Variants in CASK observed in about 807,000 individuals in gnomAD.
CASK encodes the protein calcium/calmodulin dependent serine protein kinase.
A neutral mutation model predicts 82.9 loss-of-function variants in CASK; 4 were observed. The observed-to-expected ratio is 0.05, with a 90% CI of 0.02 to 0.11. CASK has a LOEUF of 0.11. CASK is among the 10% of genes least tolerant of loss of function. CASK has a pLI of 1.00. For synonymous variants in CASK, 259 were observed against 253.5 expected (o/e 1.02, Z -0.20); for missense variants, 358 against 720.9 (o/e 0.50, Z 5.76).
At chrX:41,625,296 C>T (rs2066349695) in intron 10 of CASK, among the ~76,000 whole-genome samples, 1 of 107,017 alleles carries the variant, frequency 9.3e-6, no homozygotes, top group African/African-American at 3.4e-5. Context: ...CGCCAGTCTC[C>T]TGCCTCAGCC....
chrX:41,762,523 C>T (rs1053841991), intron 3 of CASK, among the ~76,000 whole-genome samples: 8 of 111,778 alleles, frequency 7.2e-5, no homozygotes, highest in African/African-American at 2.3e-4. Flanking sequence ...TTTTCTTCTC[C>T]AAACCTTACA....
chrX:41,557,220 G>A (rs2065170063), intron 18 of CASK, 120 bp from the exon 19 acceptor site: 2 of 605,276 alleles, frequency 3.3e-6, no homozygotes, highest in African/African-American at 2.2e-5. Context: ...AGCTGTATAG[G>A]TGCCATACTG....
chrX:41,675,978 T>C, intron 5 of CASK: 1 of 1,208,290 alleles, frequency 8.3e-7, no homozygotes, highest in Non-Finnish European at 1.1e-6. Flanking sequence ...ACAGAGAAGT[T>C]AAGGGCCAGA....
At chrX:41,819,211 G>T in intron 2 of CASK, among the ~76,000 whole-genome samples, 2 of 111,100 alleles carry the variant, frequency 1.8e-5, no homozygotes. Context: ...GATTCCATTG[G>T]AAAGATTTTA....
chrX:41,715,878 G>T (rs749940853), intron 5 of CASK, among the ~76,000 whole-genome samples: 2 of 112,405 alleles, frequency 1.8e-5, no homozygotes, highest in Admixed American at 9.4e-5. Context: ...TTTCCCTGGT[G>T]GGAAAGCCCT....
At chrX:41,868,380 T>C (rs1395771853) in intron 1 of CASK, among the ~76,000 whole-genome samples, 2 of 111,776 alleles carry the variant, frequency 1.8e-5, no homozygotes, top group Non-Finnish European at 3.8e-5. Flanking sequence ...ATTGAACTTT[T>C]TAAAGAAAAA....
chrX:41,809,051 C>T (rs1050716550), intron 2 of CASK, among the ~76,000 whole-genome samples: 10 of 112,322 alleles, frequency 8.9e-5, no homozygotes, highest in Admixed American at 4.7e-4. Context: ...GAGGGGTGCC[C>T]GCCATTGCTG....
chrX:41,700,111 C>A (rs2067764887), intron 5 of CASK, among the ~76,000 whole-genome samples: 1 of 111,861 alleles, frequency 8.9e-6, no homozygotes, highest in African/African-American at 3.2e-5. Context: ...CAGAGTGAGA[C>A]CTCAGTGTTG....
At chrX:41,671,338 T>G in intron 6 of CASK, 90 bp downstream of exon 6, 1 of 567,904 alleles carries the variant, frequency 1.8e-6, no homozygotes, top group East Asian at 3.4e-5. Context: ...TATGAAACAC[T>G]GAGGTTGGGC....
chrX:41,778,006 C>T (rs941728707), intron 3 of CASK, among the ~76,000 whole-genome samples: 46 of 111,438 alleles, frequency 4.1e-4, no homozygotes, highest in Non-Finnish European at 8.1e-4. Context: ...ATGGCACATG[C>T]ACACATTTAG....
chrX:41,585,802 TATA>T (rs1316840514), intron 14 of CASK: 1 of 108,376 alleles, frequency 9.2e-6, no homozygotes, highest in Non-Finnish European at 1.9e-5. Flanking sequence ...ACAGCATATA[TATA>T]ATAACTCACA....
At chrX:41,573,209 T>TTC (rs962790523) in intron 15 of CASK, among the ~76,000 whole-genome samples, 3 of 105,167 alleles carry the variant, frequency 2.9e-5, no homozygotes, top group Admixed American at 1.0e-4. Flanking sequence ...CCCAATTTCT[T>TTC]TCTTTTTTTT....
chrX:41,838,759 CA>C (rs773787670), intron 2 of CASK, among the ~76,000 whole-genome samples: 11 of 99,494 alleles, frequency 1.1e-4, no homozygotes, highest in African/African-American at 1.5e-4. Flanking sequence ...GACTCTGTCT[CA>C]AAAAAAAAAG....
At chrX:41,865,632 T>C (rs1601919652) in intron 1 of CASK, among the ~76,000 whole-genome samples, 1 of 111,731 alleles carries the variant, frequency 9.0e-6, no homozygotes, top group East Asian at 2.8e-4. Context: ...AATTGTACCC[T>C]GGATGTTTTG....
At chrX:41,788,573 A>G (rs767508675) in intron 2 of CASK, among the ~76,000 whole-genome samples, 2 of 112,163 alleles carry the variant, frequency 1.8e-5, no homozygotes, top group South Asian at 3.7e-4. Flanking sequence ...CAACAGAGCA[A>G]TGATCGTAGA....
At position 41,676,889 on chromosome X, in the gene CASK, C is replaced by T. The variant is rs971103595; in HGVS notation, c.430-5359G>A. On this transcript the variant is annotated intron_variant, in intron 5 of 26. Coordinates refer to ENST00000378163, the MANE Select transcript of CASK (RefSeq NM_001367721.1). ...GACAGGAATTGCTACTGGATATGAG[C>T]GTGAGAGAAAGACACAAGTCAATTA... is the stretch of plus-strand genomic sequence containing the variant. Among the ~76,000 whole-genome samples the T allele has an allele frequency of 2.7e-5, 3 of 111,879 alleles. No homozygotes were observed. In the Admixed American group the frequency reaches 2.8e-4, roughly 11 times the overall value.
At chrX:41,898,544 T>C (rs1202412269) in intron 1 of CASK, among the ~76,000 whole-genome samples, 1 of 111,902 alleles carries the variant, frequency 8.9e-6, no homozygotes, top group Non-Finnish European at 1.9e-5. Flanking sequence ...ATTTGAGATC[T>C]TTCTTTTTTC....
chrX:41,700,654 A>C (rs2067776319), intron 5 of CASK, among the ~76,000 whole-genome samples: 1 of 98,688 alleles, frequency 1.0e-5, no homozygotes, highest in African/African-American at 3.8e-5. Context: ...ATCTTGGCTC[A>C]CTGCAACCTC....
chrX:41,594,729 AC>A (rs1378938412), intron 12 of CASK, among the ~76,000 whole-genome samples: 1 of 111,895 alleles, frequency 8.9e-6, no homozygotes, highest in Non-Finnish European at 1.9e-5. Context: ...GCCCAGGAGG[AC>A]AAGAGGACTC....
Sources: gnomAD v4.1 joint callset for allele counts (sites outside exome capture counted in the v4.1 genomes callset) on GRCh38, gnomAD v4.1.1 for gene constraint, MANE v1.5 for transcripts, NCBI Gene and HGNC (gene_info 2026-07-23, HGNC 2026-07-21) for gene names.